Variants in CADPS2 observed in about 807,000 individuals in gnomAD.
CADPS2 encodes calcium dependent secretion activator 2.
Under a neutral mutation model 172.5 loss-of-function variants are expected in CADPS2, and 93 were observed. The ratio of observed to expected loss-of-function variants is 0.54; its 90% CI spans 0.46 to 0.64. The LOEUF is 0.64. Among genes scored for constraint, CADPS2 ranks in the 30% least tolerant of loss-of-function variants. The pLI is 0.00. For missense variants in CADPS2, 1,420 were observed against 1,565.9 expected, an observed-to-expected ratio of 0.91 and a Z score of 1.57; for synonymous variants, 546 against 555.2, an observed-to-expected ratio of 0.98 and a Z score of 0.23.
At chr7:122,374,330 T>C (rs1222043718) in intron 25 of CADPS2, among the ~76,000 whole-genome samples, 1 of 152,044 alleles carries the variant, frequency 6.6e-6, no homozygotes, top group East Asian at 1.9e-4. Context: ...TTCTCTAAGA[T>C]ACAGCATGAG....
At chr7:122,703,733 T>G (rs1243043620) in intron 2 of CADPS2, among the ~76,000 whole-genome samples, 1 of 152,012 alleles carries the variant, frequency 6.6e-6, no homozygotes, top group Non-Finnish European at 1.5e-5. Flanking sequence ...GAAAATGTAT[T>G]GGAGAGGGAG....
At position 122,527,743 on chromosome 7, in the gene CADPS2, AG is replaced by A. The variant is rs2061391798; in HGVS notation, c.1476-14429del. On this transcript the variant is annotated intron_variant, in intron 8 of 29. Coordinates refer to ENST00000449022, the MANE Select transcript of CADPS2 (RefSeq NM_017954.11). ...CAGTCACAGATAGTGCTAAGAGGAC[AG>A]GCTGTTCCATGAGAAGATCTTGCCC... Among the ~76,000 whole-genome samples the A allele has an allele frequency of 2.0e-5, 3 of 152,126 alleles. No homozygotes were observed. In the South Asian group the frequency reaches 6.2e-4, roughly 32 times the overall value.
At chr7:122,606,489 C>A (rs1361582878) in intron 6 of CADPS2, among the ~76,000 whole-genome samples, 2 of 151,998 alleles carry the variant, frequency 1.3e-5, no homozygotes, top group Admixed American at 1.3e-4. Context: ...GGAACTAGGG[C>A]CTAAATTGAA....
chr7:122,490,384 C>A, intron 10 of CADPS2, 103 bp from the exon 11 acceptor site: 2 of 805,650 alleles, frequency 2.5e-6, no homozygotes, highest in Non-Finnish European at 4.1e-6. Context: ...TTGATATTAG[C>A]AGTTAAATGT....
Position 122,320,170 on chromosome 7 carries a change from C to T in CADPS2, c.3886G>A (p.Gly1296Ser), listed in dbSNP as rs906232515. The change falls in exon 30 of 30, where the codon GGC (glycine) becomes AGC (serine). Residue 1296 changes from glycine to serine, a missense_variant. Gly to Ser is a moderately conservative substitution (Grantham distance 56). Transcript: ENST00000449022. The stretch of plus-strand genomic sequence containing the variant: ...TTCTGCAAAGCTGTGTGATATCAGC[C>T]TTCTTCTTCTTCGTCACTGTCTTTC... ...TMKDSDEEEEG is the reference protein window; with the variant it reads ...TMKDSDEEEES The T allele has an allele frequency of 5.6e-6, 9 of 1,594,792 alleles. No homozygotes were observed. The highest frequency in any genetic ancestry group is 1.8e-5 in the Admixed American group (1 of 57,042).
chr7:122,720,070 G>A (rs2090177613), intron 2 of CADPS2, among the ~76,000 whole-genome samples: 1 of 151,984 alleles, frequency 6.6e-6, no homozygotes, highest in Admixed American at 6.6e-5. Flanking sequence ...TTGGAGCACT[G>A]GACTATTTCA....
intron 7 of CADPS2, among the ~76,000 whole-genome samples, chr7:122,566,279 G>A (rs1017299528): frequency 1.3e-5 from 2 of 152,116 alleles, no homozygotes; most frequent in African/African-American, 4.8e-5. Flanking sequence ...CATTGGTGAG[G>A]ATGTGGGGGA....
At chr7:122,633,436 T>C (rs1033747638) in intron 3 of CADPS2, among the ~76,000 whole-genome samples, 17 of 152,066 alleles carry the variant, frequency 1.1e-4, no homozygotes, top group Non-Finnish European at 2.4e-4. Context: ...ATTCCTGGGT[T>C]TTTTGTTTGG....
At chr7:122,502,173 C>A (rs1188837045) in intron 9 of CADPS2, among the ~76,000 whole-genome samples, 1 of 152,014 alleles carries the variant, frequency 6.6e-6, no homozygotes, top group African/African-American at 2.4e-5. Flanking sequence ...TCTCTTTTCT[C>A]AGGTATGTGT....
At chr7:122,373,594 C>T (rs184367973) in intron 25 of CADPS2, among the ~76,000 whole-genome samples, 26 of 152,140 alleles carry the variant, frequency 1.7e-4, no homozygotes, top group Non-Finnish European at 2.5e-4. Context: ...TGAAGTCAAT[C>T]GGTAAATAGT....
intron 20 of CADPS2, among the ~76,000 whole-genome samples, chr7:122,404,798 T>G (rs1404480859): frequency 6.6e-6 from 1 of 151,886 alleles, no homozygotes; most frequent in Non-Finnish European, 1.5e-5. Flanking sequence ...GATTCTTGAG[T>G]TTTCATTCAA....
chr7:122,351,371 TCAA>T (rs2038575702), intron 27 of CADPS2, among the ~76,000 whole-genome samples: 1 of 5,336 alleles, frequency 1.9e-4, no homozygotes, highest in Non-Finnish European at 2.8e-4. Flanking sequence ...AGACTCCGTC[TCAA>T]AAAAAAAAAA....
chr7:122,674,750 C>G (rs2082229410), intron 2 of CADPS2, among the ~76,000 whole-genome samples: 1 of 152,146 alleles, frequency 6.6e-6, no homozygotes, highest in Non-Finnish European at 1.5e-5. Context: ...ATCATTGTGG[C>G]TATGAGATGG....
At chr7:122,714,333 A>G (rs1011425686) in intron 2 of CADPS2, among the ~76,000 whole-genome samples, 57 of 152,110 alleles carry the variant, frequency 3.7e-4, no homozygotes, top group African/African-American at 1.3e-3. Context: ...TGGACATAGT[A>G]TTCACTGTTT....
intron 6 of CADPS2, among the ~76,000 whole-genome samples, chr7:122,602,741 C>T (rs2072975696): frequency 6.6e-6 from 1 of 152,026 alleles, no homozygotes; most frequent in Non-Finnish European, 1.5e-5. Context: ...CCACTGAGGA[C>T]TTACAAAGTG....
At chr7:122,854,912 C>G (rs2141174740) in intron 1 of CADPS2, among the ~76,000 whole-genome samples, 1 of 152,280 alleles carries the variant, frequency 6.6e-6, no homozygotes, top group East Asian at 1.9e-4. Flanking sequence ...AAAAGGACAT[C>G]ACTATATTTG....
intron 2 of CADPS2, among the ~76,000 whole-genome samples, chr7:122,664,187 G>A (rs1306604217): frequency 6.6e-6 from 1 of 151,810 alleles, no homozygotes; most frequent in African/African-American, 2.4e-5. Context: ...TATTATTTGA[G>A]TGTGGACTTG....
intron 21 of CADPS2, 47 bp downstream of exon 21, chr7:122,393,394 A>G (rs1357239619): frequency 5.6e-6 from 9 of 1,612,972 alleles, no homozygotes; most frequent in Admixed American, 1.7e-5. Flanking sequence ...TCATAAGGTC[A>G]GGGTTGAAGA....
intron 8 of CADPS2, 52 bp downstream of exon 8, chr7:122,554,498 A>C: frequency 6.6e-7 from 1 of 1,515,844 alleles, no homozygotes; most frequent in Non-Finnish European, 8.9e-7. Flanking sequence ...AAAATAATAC[A>C]CTGAAATGAA....
Sources: allele counts gnomAD v4.1 joint callset (sites outside exome capture counted in the v4.1 genomes callset), GRCh38; gene constraint gnomAD v4.1.1; transcripts MANE v1.5; gene names NCBI Gene and HGNC (gene_info 2026-07-23, HGNC 2026-07-21).